PRH1: variants seen among roughly 807,000 people sequenced by gnomAD.
PRH1 encodes the protein proline rich protein HaeIII subfamily 1, also known as salivary acidic proline-rich phosphoprotein 1/2.
Under a neutral mutation model 7.9 loss-of-function variants are expected in PRH1, and 7 were observed. The ratio of observed to expected loss-of-function variants is 0.89; its 90% CI spans 0.50 to 1.67. The LOEUF is 1.67. PRH1 is among the 40% of genes most tolerant of loss of function. The pLI, the probability that PRH1 is intolerant of heterozygous loss-of-function variation, is 0.00. For synonymous variants in PRH1, 45 were observed against 80.8 expected, an observed-to-expected ratio of 0.56 and a Z score of 2.38; for missense variants, 109 against 223.6, an observed-to-expected ratio of 0.49 and a Z score of 3.27.
chr12:11,103,850 AC>A (rs35036073), intron 1 of PRH1, among the ~76,000 whole-genome samples: 68,814 of 151,610 alleles, frequency 0.45, 16,379 homozygotes, highest in Non-Finnish European at 0.52. Context: ...GTATTTTAAC[AC>A]CTAAAGAAAT....
At chr12:10,995,431 T>C (rs1024374557) in intron 1 of PRH1, among the ~76,000 whole-genome samples, 1 of 152,190 alleles carries the variant, frequency 6.6e-6, no homozygotes, top group African/African-American at 2.4e-5. Context: ...ACACAGAATT[T>C]AGCTGTTGAA....
intron 2 of PRH1, among the ~76,000 whole-genome samples, chr12:10,904,951 C>T (rs553883430): frequency 8.6e-5 from 13 of 151,212 alleles, no homozygotes; most frequent in Non-Finnish European, 1.3e-4. Context: ...ATTAGAGACA[C>T]GCAAATCAAA....
At chr12:11,147,253 C>A (rs1156638233) in intron 1 of PRH1, among the ~76,000 whole-genome samples, 1 of 152,094 alleles carries the variant, frequency 6.6e-6, no homozygotes, top group Non-Finnish European at 1.5e-5. Flanking sequence ...TGCAGTGGCA[C>A]GATCTCGGCT....
intron 2 of PRH1, among the ~76,000 whole-genome samples, chr12:10,946,992 T>C (rs972242940): frequency 6.6e-6 from 1 of 151,848 alleles, no homozygotes; most frequent in African/African-American, 2.4e-5. Context: ...GGCCTGAGAG[T>C]GTGTTTGGTA....
intron 2 of PRH1, among the ~76,000 whole-genome samples, chr12:10,899,233 G>A (rs1270047154): frequency 6.6e-6 from 1 of 152,108 alleles, no homozygotes; most frequent in African/African-American, 2.4e-5. Flanking sequence ...AATTGATGCA[G>A]CAACGTGTTA....
At chr12:11,074,525 ATAGT>A (rs1944218998) in intron 1 of PRH1, among the ~76,000 whole-genome samples, 1 of 135,260 alleles carries the variant, frequency 7.4e-6, no homozygotes, top group African/African-American at 2.6e-5. Flanking sequence ...CTTGGAGCAC[ATAGT>A]TAGATGAACT....
At chr12:11,165,117 G>C (rs1047048281) in intron 1 of PRH1, among the ~76,000 whole-genome samples, 1 of 151,954 alleles carries the variant, frequency 6.6e-6, no homozygotes, top group Non-Finnish European at 1.5e-5. Flanking sequence ...TCAATTTTAC[G>C]GGTATGTTCT....
At chr12:11,035,894 T>G (rs1942414850) in intron 1 of PRH1, among the ~76,000 whole-genome samples, 1 of 152,170 alleles carries the variant, frequency 6.6e-6, no homozygotes, top group Non-Finnish European at 1.5e-5. Context: ...CTGTTTTTGC[T>G]TTGTTTTGTT....
At chr12:11,138,669 T>C (rs1312109808) in intron 1 of PRH1, among the ~76,000 whole-genome samples, 1 of 152,210 alleles carries the variant, frequency 6.6e-6, no homozygotes, top group Non-Finnish European at 1.5e-5. Context: ...TATTCAAATT[T>C]TGATGTTTCA....
At chr12:11,093,636 C>A (rs1281294992) in intron 1 of PRH1, among the ~76,000 whole-genome samples, 1 of 115,126 alleles carries the variant, frequency 8.7e-6, no homozygotes, top group Non-Finnish European at 2.0e-5. Context: ...ATAACAATTC[C>A]TGAGTACCAG....
chr12:11,049,345 A>G (rs2136144775), upstream of PRH1: 1 of 280,048 alleles, frequency 3.6e-6, no homozygotes, highest in Non-Finnish European at 6.6e-6. Context: ...GTCGATAAAC[A>G]CTTGACTTTT....
chr12:11,058,569 T>C (rs76366370), intron 1 of PRH1, among the ~76,000 whole-genome samples: 9 of 148,472 alleles, frequency 6.1e-5, no homozygotes, highest in Admixed American at 2.7e-4. Context: ...GAAGTTTCTA[T>C]AGGCTACTGG....
At chr12:11,069,477 A>C (rs1249619793) in intron 1 of PRH1, among the ~76,000 whole-genome samples, 2 of 119,612 alleles carry the variant, frequency 1.7e-5, no homozygotes, top group Non-Finnish European at 2.0e-5. Flanking sequence ...CAACTAGCAA[A>C]GGAGAATGAG....
intron 2 of PRH1, among the ~76,000 whole-genome samples, chr12:10,926,233 A>G (rs2135856937): frequency 6.6e-6 from 1 of 152,332 alleles, no homozygotes; most frequent in East Asian, 1.9e-4. Context: ...CAGTGAATAC[A>G]ATAATTCTTC....
chr12:10,915,351 T>A (rs551785278), intron 2 of PRH1, among the ~76,000 whole-genome samples: 1 of 152,170 alleles, frequency 6.6e-6, no homozygotes, highest in East Asian at 1.9e-4. Flanking sequence ...AAGTATCTGA[T>A]ATTAAATCCA....
chr12:10,892,757 G>A (rs776740914), intron 2 of PRH1, among the ~76,000 whole-genome samples: 14 of 152,158 alleles, frequency 9.2e-5, no homozygotes, highest in Non-Finnish European at 1.3e-4. Context: ...ACAGCTTTGA[G>A]AATTTCTATA....
rs117096419 is a variant in PRH1 at position 10,923,631 on chromosome 12, T to G, written c.-58-39356A>C. Reference sequence around the variant, plus strand: ...CATAGGAAAGTTTTTGTGGCACAAATTGTCCAAGGGAATAGTGTGATTCTA... The same window carrying G: ...CATAGGAAAGTTTTTGTGGCACAAAGTGTCCAAGGGAATAGTGTGATTCTA... On this transcript the variant is annotated intron_variant, in intron 2 of 3. Coordinates refer to the PRH1 transcript ENST00000539853. Among the ~76,000 whole-genome samples the G allele has an allele frequency of 8.2e-3, 1,249 of 152,326 alleles. 18 individuals carry two copies. Among genetic ancestry groups the G allele is most frequent in the East Asian group, 0.064 (332 of 5,182 alleles).
intron 2 of PRH1, chr12:10,965,092 G>A (rs1333641044): frequency 6.3e-6 from 8 of 1,275,810 alleles, no homozygotes; most frequent in African/African-American, 1.5e-5. Flanking sequence ...TTACAGCCCA[G>A]GCATTAATAG....
Position 11,021,958 on chromosome 12 carries a change from T to C in PRH1, c.-126+25062A>G, listed in dbSNP as rs144643889. ...GCTATGGAGCCGCATCTTCTTGAGA[T>C]GTTTACAAAGAGAACAGATTAACAG... is the stretch of plus-strand genomic sequence containing the variant. On this transcript the variant is annotated intron_variant, in intron 1 of 3. Coordinates refer to the PRH1 transcript ENST00000539853. 140 of 1,614,206 alleles carry C rather than the reference T, an allele frequency of 8.7e-5. No individual in the cohort carries two copies. In the African/African-American group the frequency reaches 1.7e-3, roughly 19 times the overall value.
Sources: gnomAD v4.1 joint callset for allele counts (sites outside exome capture counted in the v4.1 genomes callset) on GRCh38, gnomAD v4.1.1 for gene constraint, MANE v1.5 for transcripts, NCBI Gene and HGNC (gene_info 2026-07-23, HGNC 2026-07-21) for gene names.